The following EML6 variants were observed in gnomAD, a reference collection of about 807,000 sequenced individuals.
The protein encoded by EML6 is echinoderm microtubule-associated protein-like 6.
Under a neutral mutation model 240.1 loss-of-function variants are expected in EML6, and 154 were observed. The observed-to-expected ratio is 0.64, with a 90% CI of 0.56 to 0.73. The LOEUF (loss-of-function observed/expected upper bound fraction) is 0.73, where lower values mean the gene tolerates loss of function less well. Among genes scored for constraint, EML6 ranks in the 30% least tolerant of loss-of-function variants. EML6 has a pLI of 0.00. For synonymous variants in EML6, 1,148 were observed against 899.0 expected, an observed-to-expected ratio of 1.28 and a Z score of -4.95; for missense variants, 2,964 against 2,474.6, an observed-to-expected ratio of 1.20 and a Z score of -4.20.
At chr2:54,792,868 G>GT (rs1213241513) in intron 2 of EML6, among the ~76,000 whole-genome samples, 1 of 152,174 alleles carries the variant, frequency 6.6e-6, no homozygotes, top group Non-Finnish European at 1.5e-5. Context: ...ATTATTGGAA[G>GT]TAGTAGTTAC....
At chr2:54,733,198 G>A (rs1481547417) in intron 2 of EML6, among the ~76,000 whole-genome samples, 6 of 152,212 alleles carry the variant, frequency 3.9e-5, no homozygotes, top group East Asian at 1.9e-4. Flanking sequence ...CTCTGGACTG[G>A]TAATACCTTA....
At chr2:54,873,440 A>G (rs536522423) in intron 16 of EML6, among the ~76,000 whole-genome samples, 2 of 152,340 alleles carry the variant, frequency 1.3e-5, no homozygotes, top group South Asian at 4.1e-4. Context: ...TTCACTCAAT[A>G]AACAGTGAAT....
In EML6 at chr2:54,876,221, G is replaced by A. The variant is rs572643487; in HGVS notation, c.2345-3326G>A. 7.2e-5 allele frequency among the ~76,000 whole-genome samples: 11 copies of A among 152,234 alleles called. 1 individual carries two copies. Among genetic ancestry groups the A allele is most frequent in the East Asian group, 1.9e-4 (1 of 5,176 alleles). On this transcript the variant is annotated intron_variant, in intron 16 of 41. Transcript: ENST00000356458. ...AGTAGATTTCCAAAGCTAAGACCAC[G>A]GCTTACAGGGAAAGTGAGAACTGGG...
intron 2 of EML6, among the ~76,000 whole-genome samples, chr2:54,759,559 T>A (rs1256533553): frequency 2.0e-5 from 3 of 152,136 alleles, no homozygotes; most frequent in Admixed American, 1.3e-4. Context: ...ATAGAGTTTT[T>A]AAAAGTCATA....
chr2:54,948,069 C>A (rs532286702), intron 28 of EML6, among the ~76,000 whole-genome samples: 3 of 152,136 alleles, frequency 2.0e-5, no homozygotes, highest in African/African-American at 7.2e-5. Context: ...TTGGAACATG[C>A]GGTGGGAGCT....
At chr2:54,961,678 G>C (rs961975517) in intron 35 of EML6, among the ~76,000 whole-genome samples, 5 of 151,916 alleles carry the variant, frequency 3.3e-5, no homozygotes. Context: ...GGGTGGAGAA[G>C]AGCAATTAAG....
At chr2:54,957,703 C>G (rs759830616) in intron 32 of EML6, 87 bp from the exon 33 acceptor site, 190 of 1,187,962 alleles carry the variant, frequency 1.6e-4, no homozygotes, top group Non-Finnish European at 2.2e-4. Context: ...CTTACGCCTG[C>G]TGGGGTGGAG....
intron 28 of EML6, among the ~76,000 whole-genome samples, chr2:54,944,884 T>A (rs566551756): frequency 6.6e-6 from 1 of 152,012 alleles, no homozygotes; most frequent in Non-Finnish European, 1.5e-5. Context: ...CAGTTTGGTC[T>A]TGATAACAGA....
At chr2:54,958,527 G>T (rs1016381869) in intron 33 of EML6, among the ~76,000 whole-genome samples, 7 of 152,086 alleles carry the variant, frequency 4.6e-5, no homozygotes, top group Admixed American at 3.9e-4. Flanking sequence ...AACCAGAAAA[G>T]GTAGGACACC....
In EML6 at chr2:54,853,787, G is replaced by C; in HGVS notation, c.1589G>C (p.Ser530Thr). The C allele has an allele frequency of 1.3e-6, 2 of 1,551,616 alleles. No homozygotes were observed. Among genetic ancestry groups the C allele is most frequent in the Non-Finnish European group, 1.7e-6 (2 of 1,146,954 alleles). ...DINSVDANYNSSVLVSGDDFG... is the reference protein window; with the variant it reads ...DINSVDANYNTSVLVSGDDFG... ...AACTCAGTGGATGCGAATTACAACA[G>C]CTCAGTGCTGGTGTCTGGAGATGAT... The change falls in exon 11 of 42, where the codon AGC becomes ACC. Residue 530 changes from serine to threonine, a missense_variant. Coordinates refer to ENST00000356458, the MANE Select transcript of EML6 (RefSeq NM_001039753.4).
At chr2:54,797,562 A>G (rs1012428312) in intron 2 of EML6, among the ~76,000 whole-genome samples, 2 of 152,234 alleles carry the variant, frequency 1.3e-5, no homozygotes, top group African/African-American at 4.8e-5. Context: ...TCATGTTTAT[A>G]TTGTAGTCTA....
intron 28 of EML6, among the ~76,000 whole-genome samples, chr2:54,938,183 T>C (rs1675248540): frequency 6.6e-6 from 1 of 152,110 alleles, no homozygotes; most frequent in Non-Finnish European, 1.5e-5. Context: ...TTGTCTCTAC[T>C]AAAAATACAA....
chr2:54,887,646 T>A (rs1052824554), intron 17 of EML6, among the ~76,000 whole-genome samples: 18 of 152,272 alleles, frequency 1.2e-4, no homozygotes, highest in Admixed American at 3.9e-4. Flanking sequence ...CTTTTATATT[T>A]AAGTCTCTAA....
chr2:54,854,652 C>T (rs878985475), intron 11 of EML6, among the ~76,000 whole-genome samples: 1 of 152,194 alleles, frequency 6.6e-6, no homozygotes, highest in African/African-American at 2.4e-5. Context: ...TTGAAAAATG[C>T]AATCAGAAAG....
intron 28 of EML6, among the ~76,000 whole-genome samples, chr2:54,932,437 C>G (rs1383854318): frequency 6.6e-6 from 1 of 152,214 alleles, no homozygotes; most frequent in Non-Finnish European, 1.5e-5. Flanking sequence ...TCATCCCCAG[C>G]CGACTTGACG....
In EML6 at chr2:54,725,001, A is replaced by G; in HGVS notation, c.-61A>G. The G allele has an allele frequency of 7.4e-7, 1 of 1,357,634 alleles. No individual in the cohort carries two copies. The highest frequency in any genetic ancestry group is 9.5e-7 in the Non-Finnish European group (1 of 1,050,790). The allele number at this position is 1,357,634 out of a possible 1,614,324, so 84.1% of individuals were successfully genotyped here. A position where few individuals can be genotyped will look rare whatever the true frequency, so the allele number is the denominator to read the frequency against. On this transcript the variant is annotated 5_prime_UTR_variant, in exon 2 of 42. Coordinates refer to ENST00000356458, the MANE Select transcript of EML6 (RefSeq NM_001039753.4). This position sits in a 1 kb window ranked among gnomAD's most constrained non-coding sequence, Gnocchi z 4.3. The stretch of plus-strand genomic sequence containing the variant: ...GCCCCTGCAGGTCCGCCGCAGCCCC[A>G]GCCTCGGCGAGGACGGCCCCGGCGC...
chr2:54,931,199 C>T (rs1028130675), intron 28 of EML6, among the ~76,000 whole-genome samples: 3 of 151,898 alleles, frequency 2.0e-5, no homozygotes, highest in East Asian at 1.9e-4. Flanking sequence ...CCTCGTGATC[C>T]GCCCGCCTCG....
At chr2:54,745,526 C>T (rs922882259) in intron 2 of EML6, among the ~76,000 whole-genome samples, 2 of 152,250 alleles carry the variant, frequency 1.3e-5, no homozygotes, top group Middle Eastern at 3.4e-3. Context: ...TCTGTAATCT[C>T]AGCACTTTGG....
chr2:54,866,415 A>C (rs1670973867), intron 13 of EML6, among the ~76,000 whole-genome samples: 1 of 152,182 alleles, frequency 6.6e-6, no homozygotes, highest in Admixed American at 6.5e-5. Flanking sequence ...TGAGGTCCAC[A>C]TTTTTCAACT....
Sources: gnomAD v4.1 joint callset for allele counts (sites outside exome capture counted in the v4.1 genomes callset) on GRCh38, gnomAD v4.1.1 for gene constraint, Gnocchi (gnomAD v3.1) non-coding constraint, MANE v1.5 for transcripts, NCBI Gene and HGNC (gene_info 2026-07-23, HGNC 2026-07-21) for gene names.